Variants in RC3H1 observed in about 807,000 individuals in gnomAD.
The protein encoded by RC3H1 is roquin-1.
RC3H1 carries 50 observed loss-of-function variants against 138.2 expected under a neutral mutation model. The observed-to-expected ratio is 0.36, with a 90% CI of 0.29 to 0.46. The LOEUF (loss-of-function observed/expected upper bound fraction) is 0.46. Ranked by LOEUF, RC3H1 falls within the 20% of genes least tolerant of loss-of-function variation. RC3H1 has a pLI of 1.00. For missense variants in RC3H1, 1,031 were observed against 1,388.1 expected (o/e 0.74, Z 4.09); for synonymous variants, 462 against 489.1 (o/e 0.94, Z 0.73).
chr1:173,973,233 CA>C (rs1283660001), intron 7 of RC3H1, among the ~76,000 whole-genome samples: 2 of 152,126 alleles, frequency 1.3e-5, no homozygotes, highest in African/African-American at 4.8e-5. Context: ...TTTTGGTAAA[CA>C]AAAAGCTTAA....
intron 9 of RC3H1, among the ~76,000 whole-genome samples, chr1:173,966,486 C>A (rs948415063): frequency 6.6e-6 from 1 of 151,638 alleles, no homozygotes; most frequent in South Asian, 2.1e-4. Flanking sequence ...GAGGCCGAGG[C>A]GGGCAGATCA....
chr1:174,003,247 CATG>C (rs1348976922), intron 1 of RC3H1, among the ~76,000 whole-genome samples: 3 of 152,136 alleles, frequency 2.0e-5, no homozygotes, highest in South Asian at 4.2e-4. Context: ...ATTAGCCAGA[CATG>C]GTGGTGGGCG....
At chr1:173,984,883 C>T (rs1456445262) in intron 2 of RC3H1, among the ~76,000 whole-genome samples, 1 of 152,134 alleles carries the variant, frequency 6.6e-6, no homozygotes, top group Non-Finnish European at 1.5e-5. Context: ...TCAGTATATT[C>T]ACAGTTGTCC....
intron 9 of RC3H1, among the ~76,000 whole-genome samples, chr1:173,965,389 G>A (rs1571199230): frequency 6.6e-6 from 1 of 152,224 alleles, no homozygotes; most frequent in Non-Finnish European, 1.5e-5. Flanking sequence ...GGTTAAGATC[G>A]AGACCAGTCT....
chr1:173,980,658 G>A (rs912417317), intron 6 of RC3H1, 151 bp downstream of exon 6: 15 of 413,608 alleles, frequency 3.6e-5, no homozygotes, highest in Admixed American at 8.2e-5. Context: ...AATGAACAAA[G>A]TGGTATTATA....
At chr1:173,974,952 T>C (rs1428356480) in intron 7 of RC3H1, among the ~76,000 whole-genome samples, 1 of 152,078 alleles carries the variant, frequency 6.6e-6, no homozygotes, top group Non-Finnish European at 1.5e-5. Flanking sequence ...GGATCAGATA[T>C]ACATTATGAG....
chr1:173,995,255 C>G (rs887971881), intron 1 of RC3H1, among the ~76,000 whole-genome samples: 1 of 152,064 alleles, frequency 6.6e-6, no homozygotes, highest in African/African-American at 2.4e-5. Context: ...GAGATGAGGC[C>G]AGGCATGGTG....
At chr1:173,941,710 T>G (rs890763966) in intron 18 of RC3H1, among the ~76,000 whole-genome samples, 1 of 152,076 alleles carries the variant, frequency 6.6e-6, no homozygotes, top group South Asian at 2.1e-4. Flanking sequence ...CTGAGGCAGG[T>G]GGACTGCTGA....
At chr1:174,020,780 G>A (rs1661941846) in intron 1 of RC3H1, among the ~76,000 whole-genome samples, 1 of 152,154 alleles carries the variant, frequency 6.6e-6, no homozygotes, top group Non-Finnish European at 1.5e-5. Flanking sequence ...AGGCGGAGGA[G>A]GGCAGATGAC....
intron 13 of RC3H1, among the ~76,000 whole-genome samples, chr1:173,960,668 C>T (rs1361027181): frequency 6.6e-6 from 1 of 152,114 alleles, no homozygotes; most frequent in Admixed American, 6.5e-5. Flanking sequence ...AATAACAATA[C>T]TAGAAAATAT....
At chr1:173,975,462 G>C (rs1660533950) in intron 7 of RC3H1, among the ~76,000 whole-genome samples, 1 of 151,982 alleles carries the variant, frequency 6.6e-6, no homozygotes, top group Non-Finnish European at 1.5e-5. Flanking sequence ...AATTCTAAAA[G>C]ACTATCAATT....
At chr1:173,946,695 T>C (rs376517488) in intron 16 of RC3H1, 51 bp downstream of exon 16, 191 of 1,596,656 alleles carry the variant, frequency 1.2e-4, no homozygotes, top group Non-Finnish European at 1.4e-4. Context: ...AGAAGTTGCC[T>C]AATTTTAAAG....
intron 2 of RC3H1, among the ~76,000 whole-genome samples, chr1:173,991,706 T>G (rs1661291851): frequency 6.6e-6 from 1 of 152,222 alleles, no homozygotes; most frequent in Non-Finnish European, 1.5e-5. Context: ...TCTGTGTCTA[T>G]TGAGATGATC....
At chr1:174,007,048 T>C (rs1661665593) in intron 1 of RC3H1, among the ~76,000 whole-genome samples, 1 of 152,112 alleles carries the variant, frequency 6.6e-6, no homozygotes, top group African/African-American at 2.4e-5. Context: ...CAAATATCAC[T>C]ACTATCCCAA....
chr1:173,986,858 T>G (rs1232787118), intron 2 of RC3H1, among the ~76,000 whole-genome samples: 1 of 152,176 alleles, frequency 6.6e-6, no homozygotes, highest in Non-Finnish European at 1.5e-5. Context: ...GCCACTGCGC[T>G]AGCCCTTCAA....
At chr1:173,949,962 T>C (rs879320206) in intron 14 of RC3H1, among the ~76,000 whole-genome samples, 5 of 151,448 alleles carry the variant, frequency 3.3e-5, no homozygotes, top group South Asian at 4.2e-4. Context: ...AAGTCAGGAG[T>C]TCGAGACGAG....
rs770763393 is a variant in RC3H1, at chr1:173,964,960, A to T, written c.1495T>A (p.Ser499Thr). The change falls in exon 10 of 20, where the codon TCA (serine) becomes ACA (threonine). Residue 499 changes from serine (S) to threonine (T), a missense_variant. Ser to Thr is a moderately conservative substitution (Grantham distance 58, BLOSUM62 1). Coordinates refer to ENST00000367696, the MANE Select transcript of RC3H1 (RefSeq NM_172071.4). ...KPPALPNGIV[S>T]TGNTVTQLIP... is the part of the protein sequence containing the mutation. Reference sequence around the variant, plus strand: ...AGCTGTGTTACTGTATTCCCTGTTGATACAATTCCATTTGGCAGAGCAGGA... The same window carrying T: ...AGCTGTGTTACTGTATTCCCTGTTGTTACAATTCCATTTGGCAGAGCAGGA... 7 of 1,613,992 alleles carry T rather than the reference A, an allele frequency of 4.3e-6. No homozygotes were observed. Among genetic ancestry groups the T allele is most frequent in the Non-Finnish European group, 5.9e-6 (7 of 1,180,042 alleles).
chr1:173,961,027 G>A (rs1326740650), intron 13 of RC3H1, 50 bp downstream of exon 13: 21 of 1,564,338 alleles, frequency 1.3e-5, no homozygotes, highest in Non-Finnish European at 1.8e-5. Flanking sequence ...ACTTAAACCG[G>A]ACACACACAA....
At chr1:173,986,871 T>G (rs1026798442) in intron 2 of RC3H1, among the ~76,000 whole-genome samples, 3 of 152,150 alleles carry the variant, frequency 2.0e-5, no homozygotes, top group African/African-American at 7.2e-5. Context: ...CCCTTCAATA[T>G]CTCTTTAAGC....
Sources: allele counts gnomAD v4.1 joint callset (sites outside exome capture counted in the v4.1 genomes callset), GRCh38; gene constraint gnomAD v4.1.1; transcripts MANE v1.5; gene names NCBI Gene and HGNC (gene_info 2026-07-23, HGNC 2026-07-21).